Variants in SMURF2 observed in about 807,000 individuals in gnomAD.
SMURF2 encodes E3 ubiquitin-protein ligase SMURF2.
A neutral mutation model predicts 109.6 loss-of-function variants in SMURF2; 48 were observed. That is an observed-to-expected ratio of 0.44 (90% CI 0.35 to 0.56). SMURF2 has a LOEUF of 0.56. SMURF2 is among the 20% of genes least tolerant of loss of function. The pLI, the probability that SMURF2 is intolerant of heterozygous loss-of-function variation, is 0.01. For synonymous variants in SMURF2, 288 were observed against 317.1 expected (o/e 0.91, Z 0.97); for missense variants, 575 against 909.0 (o/e 0.63, Z 4.72).
intron 11 of SMURF2, among the ~76,000 whole-genome samples, chr17:64,562,389 T>C (rs1338877823): frequency 6.6e-6 from 1 of 151,562 alleles, no homozygotes; most frequent in African/African-American, 2.4e-5. Context: ...TAATTTTTTT[T>C]TTTTTTTGAG....
intron 1 of SMURF2, among the ~76,000 whole-genome samples, chr17:64,654,558 G>A (rs1281488128): frequency 1.1e-4 from 17 of 152,096 alleles, no homozygotes; most frequent in African/African-American, 4.1e-4. Context: ...AGCTGGGTGC[G>A]GTGGCTCATG....
intron 9 of SMURF2, among the ~76,000 whole-genome samples, chr17:64,575,118 A>T (rs1340299637): frequency 5.2e-5 from 7 of 135,588 alleles, no homozygotes; most frequent in Admixed American, 4.2e-4. Flanking sequence ...AGTAAGCTTA[A>T]AAAAAAAAAA....
chr17:64,626,774 A>C (rs1970273979), intron 1 of SMURF2, among the ~76,000 whole-genome samples: 1 of 149,746 alleles, frequency 6.7e-6, no homozygotes, highest in Non-Finnish European at 1.5e-5. Flanking sequence ...AAAACAAAAC[A>C]AAACAAAACA....
At chr17:64,555,455 C>T (rs1442303501) in intron 14 of SMURF2, among the ~76,000 whole-genome samples, 1 of 152,158 alleles carries the variant, frequency 6.6e-6, no homozygotes, top group Non-Finnish European at 1.5e-5. Flanking sequence ...AGTTCTTATT[C>T]TAAAAGTACG....
intron 1 of SMURF2, among the ~76,000 whole-genome samples, chr17:64,625,844 G>A (rs1249732303): frequency 6.6e-6 from 1 of 152,176 alleles, no homozygotes; most frequent in Non-Finnish European, 1.5e-5. Flanking sequence ...ATGAGATGGT[G>A]ATGGTAAAGC....
chr17:64,595,056 G>T (rs1342815229), intron 3 of SMURF2, among the ~76,000 whole-genome samples: 3 of 152,150 alleles, frequency 2.0e-5, no homozygotes, highest in Non-Finnish European at 4.4e-5. Context: ...TTACAGGTAT[G>T]CTGAAATACA....
chr17:64,653,556 CA>C (rs1044118244), intron 1 of SMURF2, among the ~76,000 whole-genome samples: 1 of 152,064 alleles, frequency 6.6e-6, no homozygotes, highest in African/African-American at 2.4e-5. Context: ...CAGGCCCAAT[CA>C]ATCCTCCATC....
intron 7 of SMURF2, among the ~76,000 whole-genome samples, chr17:64,582,162 T>C (rs1343551284): frequency 3.9e-5 from 6 of 152,166 alleles, no homozygotes; most frequent in African/African-American, 1.4e-4. Context: ...AGTTTAATAC[T>C]AGAAATGCAA....
At chr17:64,578,800 A>G (rs1266475265) in intron 8 of SMURF2, among the ~76,000 whole-genome samples, 1 of 152,262 alleles carries the variant, frequency 6.6e-6, no homozygotes, top group Non-Finnish European at 1.5e-5. Context: ...AACTAAACTT[A>G]TAACGTGGCT....
intron 1 of SMURF2, among the ~76,000 whole-genome samples, chr17:64,628,076 T>C (rs962739883): frequency 6.6e-6 from 1 of 152,170 alleles, no homozygotes; most frequent in Non-Finnish European, 1.5e-5. Flanking sequence ...CCTGAGAACA[T>C]AGTAAGCCCT....
At chr17:64,617,173 C>T (rs1991403) in intron 1 of SMURF2, among the ~76,000 whole-genome samples, 20,824 of 151,014 alleles carry the variant, frequency 0.14, 2,177 homozygotes, top group African/African-American at 0.28. Flanking sequence ...CAGAAGGGTG[C>T]TCTGCAAAAG....
chr17:64,546,061 A>G, intron 18 of SMURF2, 114 bp from the exon 19 acceptor site: 1 of 862,828 alleles, frequency 1.2e-6, no homozygotes, highest in South Asian at 1.6e-5. Context: ...ACTAAAAGGT[A>G]TTTCTCTAAA....
Position 64,546,302 on chromosome 17 carries a change from A to G in SMURF2, c.2108T>C (p.Ile703Thr), listed in dbSNP as rs782399154. ...AGPRLFTIHQIDACTNNLPKA... is the reference protein window; with the variant it reads ...AGPRLFTIHQTDACTNNLPKA... ...CGGCAGGTTGTTAGTGCAGGCATCA[A>G]TCTGGTGTATGGTAAAGAGTCTCGG... The change falls in exon 18 of 19, where the codon ATT (isoleucine) becomes ACT (threonine). Residue 703 changes from isoleucine (I) to threonine (T), a missense_variant. Coordinates refer to ENST00000262435, the MANE Select transcript of SMURF2 (RefSeq NM_022739.4). 12 of 1,613,962 alleles carry G rather than the reference A, an allele frequency of 7.4e-6. No individual in the cohort carries two copies. Among genetic ancestry groups the G allele is most frequent in the Non-Finnish European group, 1.0e-5 (12 of 1,179,946 alleles).
intron 16 of SMURF2, among the ~76,000 whole-genome samples, chr17:64,551,353 T>A (rs1598267248): frequency 6.7e-6 from 1 of 149,788 alleles, no homozygotes; most frequent in Admixed American, 6.8e-5. Context: ...TGAGACCCTG[T>A]CTCAGAAAAA....
intron 1 of SMURF2, among the ~76,000 whole-genome samples, chr17:64,614,770 T>C (rs782053749): frequency 6.6e-6 from 1 of 152,234 alleles, no homozygotes; most frequent in African/African-American, 2.4e-5. Flanking sequence ...ACTCACTTTG[T>C]GCCAAGTGCT....
At chr17:64,557,743 A>T in intron 12 of SMURF2, 21 bp from the exon 13 acceptor site, 3 of 1,452,376 alleles carry the variant, frequency 2.1e-6, no homozygotes, top group Non-Finnish European at 2.9e-6. Flanking sequence ...AGATATGACC[A>T]AGGAATTTTT....
intron 12 of SMURF2, among the ~76,000 whole-genome samples, chr17:64,560,338 G>A (rs1555684421): frequency 6.6e-6 from 1 of 152,112 alleles, no homozygotes; most frequent in East Asian, 1.9e-4. Context: ...CTAGTTATGA[G>A]TAAGTAATAC....
chr17:64,580,851 C>T lies in SMURF2; in HGVS notation c.710G>A (p.Arg237Gln), dbSNP rs1555686500. Residue 237 changes from arginine (R) to glutamine (Q), a missense_variant, in exon 8 of 19, where the codon CGA becomes CAA. Arg to Gln is a conservative substitution (Grantham distance 43, BLOSUM62 1). Coordinates refer to ENST00000262435, the MANE Select transcript of SMURF2 (RefSeq NM_022739.4). ...RLAERRVRSQ[R>Q]HRNYMSRTHL... ...TGTTCTGCTCATGTAATTTCTATGT[C>T]GTTGTGACCTGACTCTCCTCTCTGC... is the stretch of plus-strand genomic sequence containing the variant. 1.9e-6 allele frequency: 3 copies of T among 1,614,088 alleles called. No homozygotes were observed. The highest frequency in any genetic ancestry group is 2.5e-6 in the Non-Finnish European group (3 of 1,179,994).
At chr17:64,580,563 T>C (rs1969564721) in intron 8 of SMURF2, among the ~76,000 whole-genome samples, 3 of 152,216 alleles carry the variant, frequency 2.0e-5, no homozygotes, top group East Asian at 3.8e-4. Context: ...CACTTCATTA[T>C]AGAAGAGCAC....
Sources: allele counts gnomAD v4.1 joint callset (sites outside exome capture counted in the v4.1 genomes callset), GRCh38; gene constraint gnomAD v4.1.1; transcripts MANE v1.5; gene names NCBI Gene and HGNC (gene_info 2026-07-23, HGNC 2026-07-21).